VEGFC: variants seen among roughly 807,000 people sequenced by gnomAD.
The protein encoded by VEGFC is FLT4 ligand DHM.
VEGFC carries 12 observed loss-of-function variants against 46.1 expected under a neutral mutation model. That is an observed-to-expected ratio of 0.26 (90% CI 0.17 to 0.42). The LOEUF (loss-of-function observed/expected upper bound fraction) is 0.42, where lower values mean the gene tolerates loss of function less well. Among genes scored for constraint, VEGFC ranks in the 10% least tolerant of loss-of-function variants. VEGFC has a pLI of 1.00. For synonymous variants in VEGFC, 232 were observed against 195.5 expected (o/e 1.19, Z -1.56); for missense variants, 488 against 529.4 (o/e 0.92, Z 0.77).
At chr4:176,736,877 T>G (rs1735063687) in intron 1 of VEGFC, among the ~76,000 whole-genome samples, 1 of 151,486 alleles carries the variant, frequency 6.6e-6, no homozygotes, top group South Asian at 2.1e-4. Flanking sequence ...GAAAAAACTA[T>G]AGACTAAATA....
At chr4:176,709,550 T>C (rs1734587339) in intron 4 of VEGFC, among the ~76,000 whole-genome samples, 1 of 151,954 alleles carries the variant, frequency 6.6e-6, no homozygotes, top group Middle Eastern at 3.4e-3. Context: ...CTCTGAGAAA[T>C]GGAGAGGGCT....
chr4:176,754,287 A>G (rs1403014247), intron 1 of VEGFC, among the ~76,000 whole-genome samples: 3 of 150,800 alleles, frequency 2.0e-5, no homozygotes, highest in Non-Finnish European at 4.4e-5. Flanking sequence ...GTAGCTCATT[A>G]GTTTCTCATT....
At chr4:176,684,629 G>T (rs1734005131) in intron 6 of VEGFC, among the ~76,000 whole-genome samples, 1 of 152,114 alleles carries the variant, frequency 6.6e-6, no homozygotes, top group African/African-American at 2.4e-5. Context: ...AGCAGCGAGG[G>T]TCCCCTTCCT....
chr4:176,766,324 A>G (rs964171496), intron 1 of VEGFC, among the ~76,000 whole-genome samples: 3 of 152,144 alleles, frequency 2.0e-5, no homozygotes, highest in East Asian at 3.9e-4. Flanking sequence ...GGTGGCTCAC[A>G]GCTATAATCC....
At chr4:176,770,499 CTT>C (rs1306536733) in intron 1 of VEGFC, among the ~76,000 whole-genome samples, 1 of 149,024 alleles carries the variant, frequency 6.7e-6, no homozygotes, top group African/African-American at 2.6e-5. Context: ...TATGAAGTCT[CTT>C]TTAAAACCTG....
At chr4:176,726,454 G>A (rs1734874914) in intron 3 of VEGFC, among the ~76,000 whole-genome samples, 1 of 151,982 alleles carries the variant, frequency 6.6e-6, no homozygotes, top group South Asian at 2.1e-4. Flanking sequence ...GAGGCAAGCT[G>A]AATAGAAAAT....
intron 1 of VEGFC, among the ~76,000 whole-genome samples, chr4:176,775,331 A>G (rs964754955): frequency 4.6e-5 from 7 of 152,204 alleles, no homozygotes; most frequent in Non-Finnish European, 1.0e-4. Flanking sequence ...ACAAGATTAT[A>G]TTTCTTATTT....
At chr4:176,729,507 C>A in intron 2 of VEGFC, 26 bp downstream of exon 2, 1 of 1,599,424 alleles carries the variant, frequency 6.3e-7, no homozygotes, top group Non-Finnish European at 8.5e-7. Context: ...ATAAGGCTTA[C>A]TATACATTTT....
chr4:176,718,037 A>G (rs892773170), intron 3 of VEGFC, among the ~76,000 whole-genome samples: 3 of 152,178 alleles, frequency 2.0e-5, no homozygotes, highest in Non-Finnish European at 4.4e-5. Flanking sequence ...AAAAACCTCA[A>G]TTGAAGAGTT....
intron 3 of VEGFC, among the ~76,000 whole-genome samples, chr4:176,727,150 G>A (rs528302587): frequency 6.6e-6 from 1 of 152,256 alleles, no homozygotes; most frequent in African/African-American, 2.4e-5. Flanking sequence ...TTATGTGTCT[G>A]GTCTGAAAAT....
chr4:176,735,962 C>A (rs2111025102), intron 1 of VEGFC, among the ~76,000 whole-genome samples: 1 of 151,978 alleles, frequency 6.6e-6, no homozygotes, highest in Non-Finnish European at 1.5e-5. Flanking sequence ...CCTTTGGAAA[C>A]TAATTTGCCT....
intron 3 of VEGFC, among the ~76,000 whole-genome samples, chr4:176,724,894 C>A (rs1734846895): frequency 6.6e-6 from 1 of 151,980 alleles, no homozygotes; most frequent in South Asian, 2.1e-4. Flanking sequence ...GAGAAGAATA[C>A]TGATTATCAG....
intron 1 of VEGFC, among the ~76,000 whole-genome samples, chr4:176,731,462 CA>C (rs1386055225): frequency 6.6e-6 from 1 of 151,874 alleles, no homozygotes; most frequent in African/African-American, 2.4e-5. Context: ...TTTTATTTGT[CA>C]GTCACACCTC....
At chr4:176,699,178 G>A (rs577262597) in intron 4 of VEGFC, among the ~76,000 whole-genome samples, 1 of 152,136 alleles carries the variant, frequency 6.6e-6, no homozygotes, top group Non-Finnish European at 1.5e-5. Context: ...GGCACCTATG[G>A]TTCCATAGCT....
chr4:176,706,497 G>A (rs932253989), intron 4 of VEGFC, among the ~76,000 whole-genome samples: 26 of 151,316 alleles, frequency 1.7e-4, no homozygotes, highest in African/African-American at 6.1e-4. Context: ...CATGGTGGCG[G>A]GCAACTGTAA....
chr4:176,721,540 T>C (rs902037760), intron 3 of VEGFC, among the ~76,000 whole-genome samples: 26 of 152,294 alleles, frequency 1.7e-4, no homozygotes, highest in African/African-American at 5.3e-4. Context: ...AAGGGGTAAA[T>C]GTGACCTAGA....
intron 6 of VEGFC, among the ~76,000 whole-genome samples, chr4:176,685,500 T>C (rs1430998811): frequency 6.6e-6 from 1 of 152,152 alleles, no homozygotes; most frequent in Non-Finnish European, 1.5e-5. Context: ...CAGAGTCTTT[T>C]TGAAAGAATG....
intron 1 of VEGFC, among the ~76,000 whole-genome samples, chr4:176,754,684 G>A (rs747876400): frequency 2.6e-5 from 4 of 151,946 alleles, no homozygotes; most frequent in Admixed American, 1.3e-4. Context: ...AACCACACCT[G>A]CAAAACCCCT....
At chr4:176,784,793 A>C (rs1368606193) in intron 1 of VEGFC, among the ~76,000 whole-genome samples, 1 of 151,372 alleles carries the variant, frequency 6.6e-6, no homozygotes, top group East Asian at 1.9e-4. Flanking sequence ...AAAGTAACTA[A>C]ATACACAAAA....
Sources: allele counts gnomAD v4.1 joint callset (sites outside exome capture counted in the v4.1 genomes callset), GRCh38; gene constraint gnomAD v4.1.1; transcripts MANE v1.5; gene names NCBI Gene and HGNC (gene_info 2026-07-23, HGNC 2026-07-21).